The following AKT3 variants were observed in gnomAD, a reference collection of about 807,000 sequenced individuals.
The protein encoded by AKT3 is RAC-gamma serine/threonine-protein kinase.
In AKT3, 15 loss-of-function variants were observed where a neutral mutation model predicts 65.3. The observed-to-expected ratio is 0.23, with a 90% CI of 0.15 to 0.35. The LOEUF (loss-of-function observed/expected upper bound fraction) is 0.35. Among genes scored for constraint, AKT3 ranks in the 10% least tolerant of loss-of-function variants. The pLI, the probability that AKT3 is intolerant of heterozygous loss-of-function variation, is 1.00. For synonymous variants in AKT3, 206 were observed against 183.8 expected (o/e 1.12, Z -0.98); for missense variants, 243 against 576.5 (o/e 0.42, Z 5.92).
At chr1:243,642,412 A>T (rs184848607) in intron 5 of AKT3, among the ~76,000 whole-genome samples, 1 of 152,072 alleles carries the variant, frequency 6.6e-6, no homozygotes, top group African/African-American at 2.4e-5. Flanking sequence ...TGAGATCACG[A>T]CATTCTCCTG....
chr1:243,500,899 A>C lies in AKT3; in HGVS notation c.*4350T>G. The stretch of plus-strand genomic sequence containing the variant: ...TTATTTCATCAAATGTGCTAGACAT[A>C]AAGGCTGTCACATAAGATATTTTAA... On this transcript the variant is annotated 3_prime_UTR_variant, in exon 14 of 14. Coordinates refer to ENST00000673466, the MANE Select transcript of AKT3 (RefSeq NM_005465.7). The C allele has an allele frequency of 4.4e-6, 1 of 228,462 alleles. No homozygotes were observed. Among genetic ancestry groups the C allele is most frequent in the Non-Finnish European group, 8.7e-6 (1 of 115,096 alleles). The allele number at this position is 228,462 out of a possible 1,614,324, so 14.2% of individuals were successfully genotyped here. A position where few individuals can be genotyped will look rare whatever the true frequency, so the allele number is the denominator to read the frequency against.
intron 12 of AKT3, among the ~76,000 whole-genome samples, chr1:243,517,340 T>C (rs1039491348): frequency 8.5e-5 from 13 of 152,214 alleles, no homozygotes; most frequent in Admixed American, 5.2e-4. Flanking sequence ...ACTGATAGTA[T>C]TGCCCAAGTT....
At chr1:243,676,267 A>G (rs1175975397) in intron 3 of AKT3, among the ~76,000 whole-genome samples, 6 of 152,226 alleles carry the variant, frequency 3.9e-5, no homozygotes, top group South Asian at 2.1e-4. Context: ...CAGAATGAAC[A>G]TTAAGTGCAG....
intron 2 of AKT3, among the ~76,000 whole-genome samples, chr1:243,720,473 A>T (rs1463546865): frequency 6.6e-6 from 1 of 151,336 alleles, no homozygotes; most frequent in African/African-American, 2.4e-5. Context: ...AACATGAGCA[A>T]ATGTCAAAAT....
chr1:243,529,631 T>A (rs1439040507), intron 12 of AKT3, among the ~76,000 whole-genome samples: 1 of 152,214 alleles, frequency 6.6e-6, no homozygotes, highest in Non-Finnish European at 1.5e-5. Context: ...GGGCTATTTA[T>A]TCTGTCCCAT....
intron 3 of AKT3, among the ~76,000 whole-genome samples, chr1:243,686,276 C>CT (rs1053239888): frequency 6.6e-6 from 1 of 151,960 alleles, no homozygotes; most frequent in African/African-American, 2.4e-5. Flanking sequence ...GTGATGTCTT[C>CT]TTTTTTGGCC....
intron 2 of AKT3, among the ~76,000 whole-genome samples, chr1:243,768,122 C>T (rs192711259): frequency 1.1e-4 from 16 of 150,564 alleles, no homozygotes; most frequent in African/African-American, 3.9e-4. Context: ...AAAATAAATG[C>T]CCTGTTTTCC....
intron 2 of AKT3, among the ~76,000 whole-genome samples, chr1:243,712,058 A>G (rs1686195853): frequency 1.3e-5 from 2 of 152,210 alleles, no homozygotes; most frequent in South Asian, 4.1e-4. Flanking sequence ...TCTCACTTTA[A>G]TAACAAACAC....
At chr1:243,847,408 C>T (rs1242520783) in intron 1 of AKT3, among the ~76,000 whole-genome samples, 1 of 152,044 alleles carries the variant, frequency 6.6e-6, no homozygotes, top group Non-Finnish European at 1.5e-5. Context: ...AATTCTTGAA[C>T]TAAAAGATAT....
chr1:243,819,778 TCA>T (rs1219683924), intron 2 of AKT3, among the ~76,000 whole-genome samples: 1 of 152,114 alleles, frequency 6.6e-6, no homozygotes, highest in Non-Finnish European at 1.5e-5. Context: ...GGGACAGAAA[TCA>T]CAGAGGAAGG....
intron 8 of AKT3, among the ~76,000 whole-genome samples, chr1:243,600,835 A>G (rs1050888373): frequency 6.6e-6 from 1 of 152,172 alleles, no homozygotes; most frequent in Admixed American, 6.5e-5. Flanking sequence ...TGTACAAATC[A>G]TAAGAGAAAA....
chr1:243,589,748 C>A (rs1183539996), intron 8 of AKT3, among the ~76,000 whole-genome samples: 1 of 152,264 alleles, frequency 6.6e-6, no homozygotes, highest in East Asian at 1.9e-4. Flanking sequence ...CCCACATACA[C>A]TGTAGCATTA....
chr1:243,570,268 A>T (rs1054340101), intron 9 of AKT3, among the ~76,000 whole-genome samples: 1 of 152,222 alleles, frequency 6.6e-6, no homozygotes, highest in South Asian at 2.1e-4. Context: ...GCATTTGAAC[A>T]AAGTCAAGGT....
intron 3 of AKT3, among the ~76,000 whole-genome samples, chr1:243,677,747 CA>C (rs1683619202): frequency 6.6e-6 from 1 of 151,962 alleles, no homozygotes; most frequent in Non-Finnish European, 1.5e-5. Flanking sequence ...TCCAAATAAA[CA>C]ATGAATTGTG....
intron 11 of AKT3, among the ~76,000 whole-genome samples, chr1:243,550,463 C>A (rs183380724): frequency 4.0e-4 from 61 of 151,864 alleles, no homozygotes; most frequent in Non-Finnish European, 7.4e-4. Flanking sequence ...ATGGAGTGGG[C>A]TGACAAATAA....
rs571243072 is a variant in AKT3, at chr1:243,684,161, C to CT, written c.172+11429dup. Among the ~76,000 whole-genome samples, 117 of 151,680 alleles carry CT rather than the reference C, an allele frequency of 7.7e-4. 2 individuals carry two copies. The South Asian group carries it at 0.023, about 30-fold the overall frequency. On this transcript the variant is annotated intron_variant, in intron 3 of 13. Transcript: ENST00000673466. ...CTTTTTTTTGTATAAATGTTTTTTACTTTTTTTTATTATACTTTTAAGTTC... is the reference window on the plus strand; with the variant it reads ...CTTTTTTTTGTATAAATGTTTTTTACTTTTTTTTTATTATACTTTTAAGTTC...
At chr1:243,723,078 C>A (rs1687010578) in intron 2 of AKT3, among the ~76,000 whole-genome samples, 1 of 152,132 alleles carries the variant, frequency 6.6e-6, no homozygotes, top group African/African-American at 2.4e-5. Context: ...TTTTTCCCAG[C>A]TCACACCAGG....
intron 11 of AKT3, among the ~76,000 whole-genome samples, chr1:243,548,543 A>C (rs1198056815): frequency 6.6e-6 from 1 of 152,198 alleles, no homozygotes; most frequent in East Asian, 1.9e-4. Context: ...ACTGTCAAAA[A>C]TTTCAGTGTC....
rs193134825 is a variant in AKT3 at position 243,671,293 on chromosome 1, T to C, written c.173-6410A>G. Among the ~76,000 whole-genome samples the C allele has an allele frequency of 3.9e-3, 594 of 152,278 alleles. 4 individuals carry two copies. Among genetic ancestry groups the C allele is most frequent in the Non-Finnish European group, 6.0e-3 (409 of 68,020 alleles). On this transcript the variant is annotated intron_variant, in intron 3 of 13. Coordinates refer to ENST00000673466, the MANE Select transcript of AKT3 (RefSeq NM_005465.7). ...CGGGGTTTCACTGTGTTAGCCAGGA[T>C]GGTCTCTCGATTTCCTGACCTCATG... is the stretch of plus-strand genomic sequence containing the variant.
Sources: gnomAD v4.1 joint callset for allele counts (sites outside exome capture counted in the v4.1 genomes callset) on GRCh38, gnomAD v4.1.1 for gene constraint, MANE v1.5 for transcripts, NCBI Gene and HGNC (gene_info 2026-07-23, HGNC 2026-07-21) for gene names.